Variants in MMRN2 observed in about 807,000 individuals in gnomAD.
MMRN2 encodes the protein multimerin 2, also known as multimerin-2.
A neutral mutation model predicts 68.8 loss-of-function variants in MMRN2; 53 were observed. The observed-to-expected ratio is 0.77, with a 90% CI of 0.62 to 0.97. MMRN2 has a LOEUF of 0.97. MMRN2 is among the 50% of genes least tolerant of loss of function. The pLI, the probability that MMRN2 is intolerant of heterozygous loss-of-function variation, is 0.00. For missense variants in MMRN2, 1,266 were observed against 1,259.5 expected (o/e 1.01, Z -0.08); for synonymous variants, 564 against 551.6 (o/e 1.02, Z -0.32).
At chr10:86,953,679 C>T (rs1487282045) in intron 1 of MMRN2, among the ~76,000 whole-genome samples, 1 of 152,238 alleles carries the variant, frequency 6.6e-6, no homozygotes, top group African/African-American at 2.4e-5. Context: ...CATCTCCACA[C>T]CCCACCACAA....
In MMRN2 at chr10:86,944,376, G is replaced by C; in HGVS notation, c.541C>G (p.Leu181Val). ...EVQQEQQEHL[L>V]GDLQNDVHRV... ...TGCACATCATTCTGGAGATCTCCCAGCAGATGTTCCTGCTGTTCCTGTTGC... is the reference window on the plus strand; with the variant it reads ...TGCACATCATTCTGGAGATCTCCCACCAGATGTTCCTGCTGTTCCTGTTGC... Residue 181 changes from leucine (L) to valine (V), a missense_variant, in exon 5 of 7, where the codon CTG becomes GTG. Coordinates refer to ENST00000372027, the MANE Select transcript of MMRN2 (RefSeq NM_024756.3). 2 of 1,613,542 alleles carry C rather than the reference G, an allele frequency of 1.2e-6. No individual in the cohort carries two copies. Among genetic ancestry groups the C allele is most frequent in the Non-Finnish European group, 8.5e-7 (1 of 1,180,014 alleles).
At chr10:86,939,149 T>G (rs1393434415) in intron 6 of MMRN2, among the ~76,000 whole-genome samples, 86 of 64,388 alleles carry the variant, frequency 1.3e-3, no homozygotes, top group East Asian at 3.1e-3. Context: ...GCAACGAGAG[T>G]GAAACTCCGT....
chr10:86,950,285 G>A lies in MMRN2; in HGVS notation c.165-4596C>T, dbSNP rs150668099. 5.4e-3 allele frequency among the ~76,000 whole-genome samples: 816 copies of A among 150,860 alleles called. 11 individuals carry two copies. Among genetic ancestry groups the A allele is most frequent in the African/African-American group, 0.019 (788 of 41,032 alleles). ...GACCCGGGAGGCAGAGGTTGTGGTGGGCCAAGATCACACCATTGCACTCCA... is the reference window on the plus strand; with the variant it reads ...GACCCGGGAGGCAGAGGTTGTGGTGAGCCAAGATCACACCATTGCACTCCA... On this transcript the variant is annotated intron_variant, in intron 1 of 6. Transcript: ENST00000372027.
At chr10:86,949,493 T>A (rs1564734160) in intron 1 of MMRN2, 1 of 151,538 alleles carries the variant, frequency 6.6e-6, no homozygotes, top group Non-Finnish European at 1.5e-5. Context: ...GGCCTGGAGT[T>A]TGAGATCAGC....
Position 86,947,538 on chromosome 10 carries a change from T to G in MMRN2, c.165-1849A>C, listed in dbSNP as rs371477368. ...GTGCCCACCACCAAGCCTGGCTAAT[T>G]TTTTTTGTATTTTTAGTAGAGACGG... is the stretch of plus-strand genomic sequence containing the variant. On this transcript the variant is annotated intron_variant, in intron 1 of 6. Coordinates refer to ENST00000372027, the MANE Select transcript of MMRN2 (RefSeq NM_024756.3). Among the ~76,000 whole-genome samples, 3 of 150,564 alleles carry G rather than the reference T, an allele frequency of 2.0e-5. No individual in the cohort carries two copies. The East Asian group carries it at 5.8e-4, about 29-fold the overall frequency.
In MMRN2 at chr10:86,937,085, C is replaced by T. The variant is rs138921995; in HGVS notation, c.2508G>A (p.Thr836=). 410 of 1,614,070 alleles carry T rather than the reference C, an allele frequency of 2.5e-4. No individual in the cohort carries two copies. The highest frequency in any genetic ancestry group is 2.8e-4 in the Non-Finnish European group (336 of 1,180,038). ...TGAACTTCACTGTCTGCAGGGCAGC[C>T]GTCCCTTCTGAAAAGCTGGCATAGA... The part of the protein sequence containing the change: ...VAFYASFSEG[T]AALQTVKFNT... Residue 836 remains threonine (T), a synonymous_variant, in exon 7 of 7, where the codon ACG becomes ACA. Coordinates refer to ENST00000372027, the MANE Select transcript of MMRN2 (RefSeq NM_024756.3).
At chr10:86,952,094 C>G (rs539386132) in intron 1 of MMRN2, among the ~76,000 whole-genome samples, 1 of 152,220 alleles carries the variant, frequency 6.6e-6, no homozygotes, top group East Asian at 1.9e-4. Context: ...GAGTTTCTCT[C>G]ACAACTATCA....
chr10:86,950,415 G>A (rs1844130413), intron 1 of MMRN2, among the ~76,000 whole-genome samples: 1 of 152,164 alleles, frequency 6.6e-6, no homozygotes, highest in Non-Finnish European at 1.5e-5. Context: ...CTGAGCACCA[G>A]CATTTTAAGG....
At chr10:86,944,993 T>C (rs959361381) in intron 4 of MMRN2, among the ~76,000 whole-genome samples, 195 bp downstream of exon 4, 4 of 152,230 alleles carry the variant, frequency 2.6e-5, no homozygotes, top group African/African-American at 9.6e-5. Flanking sequence ...GTGTGTGTGC[T>C]TGGCCAGTAG....
intron 1 of MMRN2, 86 bp downstream of exon 1, chr10:86,957,292 C>T (rs1452069251): frequency 7.1e-7 from 1 of 1,400,882 alleles, no homozygotes; most frequent in Non-Finnish European, 1.0e-6. Flanking sequence ...GATGGGACCC[C>T]AGTGAGGTCT....
chr10:86,944,569 A>G, intron 4 of MMRN2, 134 bp from the exon 5 acceptor site: 1 of 965,904 alleles, frequency 1.0e-6, no homozygotes, highest in Non-Finnish European at 1.5e-6. Context: ...GGAGCTTAGA[A>G]GCCTTAAACC....
chr10:86,955,148 C>A (rs1381353504), intron 1 of MMRN2, among the ~76,000 whole-genome samples: 1 of 152,162 alleles, frequency 6.6e-6, no homozygotes. Context: ...TGGGAGGCGT[C>A]CCCACCCCTC....
chr10:86,952,704 C>T (rs929184468), intron 1 of MMRN2, among the ~76,000 whole-genome samples: 3 of 152,220 alleles, frequency 2.0e-5, no homozygotes, highest in Non-Finnish European at 2.9e-5. Context: ...AAATCAAAAA[C>T]TCCGATAAGG....
Position 86,944,348 on chromosome 10 carries a change from C to T in MMRN2, c.569G>A (p.Arg190Gln), listed in dbSNP as rs374898130. 6.3e-5 allele frequency: 102 copies of T among 1,613,984 alleles called. No individual in the cohort carries two copies. Among genetic ancestry groups the T allele is most frequent in the Middle Eastern group, 1.7e-4 (1 of 6,060 alleles). The change falls in exon 5 of 7, where the codon CGG becomes CAG. Residue 190 changes from arginine to glutamine, a missense_variant. Arg to Gln is a conservative substitution (Grantham distance 43). Coordinates refer to ENST00000372027, the MANE Select transcript of MMRN2 (RefSeq NM_024756.3). ...LLGDLQNDVH[R>Q]VADSLPGLWK... ...CAGGCCTGGCAGGCTGTCTGCCACC[C>T]GGTGCACATCATTCTGGAGATCTCC...
chr10:86,939,333 G>T (rs1209532282), intron 6 of MMRN2, among the ~76,000 whole-genome samples: 1 of 145,386 alleles, frequency 6.9e-6, no homozygotes, highest in Admixed American at 6.9e-5. Context: ...ATGGTGGCAG[G>T]CGCCTGTAAT....
chr10:86,942,990 G>A lies in MMRN2; in HGVS notation c.1794C>T (p.Ala598=), dbSNP rs775038821. 3.8e-5 allele frequency: 56 copies of A among 1,457,636 alleles called. No individual in the cohort carries two copies. The highest frequency in any genetic ancestry group is 8.1e-6 in the Non-Finnish European group (9 of 1,104,666). 90.3% of individuals were successfully genotyped at this position (1,457,636 alleles called of 1,614,324 possible). A position where few individuals can be genotyped will look rare whatever the true frequency, so the allele number is the denominator to read the frequency against. ...EVRQLHSAFA[A]LLEDALRHEA... Reference sequence around the variant, plus strand: ...CGTGCCGCAGCGCGTCCTCCAGCAGGGCGGCGAAGGCGCTGTGCAGCTGGC... The same window carrying A: ...CGTGCCGCAGCGCGTCCTCCAGCAGAGCGGCGAAGGCGCTGTGCAGCTGGC... Residue 598 remains alanine, a synonymous_variant, in exon 6 of 7, where the codon GCC becomes GCT. Coordinates refer to ENST00000372027, the MANE Select transcript of MMRN2 (RefSeq NM_024756.3).
chr10:86,943,233 C>A lies in MMRN2; in HGVS notation c.1551G>T (p.Glu517Asp). Residue 517 changes from glutamate (E) to aspartate (D), a missense_variant, in exon 6 of 7, where the codon GAG becomes GAT. Physicochemically the swap from Glu to Asp is conservative, Grantham distance 45. Transcript: ENST00000372027. The surrounding 1 kb of genome is among the most constrained non-coding windows in gnomAD (Gnocchi z 4.2). ...GCCGCTCGTCCAGGCTCACCTGGGT[C>A]TCCTCCAGGGCACGCGTGGCGTCCC... ...GQRDATRALE[E>D]TQVSLDERRQ... 1.2e-6 allele frequency: 2 copies of A among 1,611,086 alleles called. No individual in the cohort carries two copies. Among genetic ancestry groups the A allele is most frequent in the Non-Finnish European group, 1.7e-6 (2 of 1,178,334 alleles).
At position 86,952,504 on chromosome 10, in the gene MMRN2, C is replaced by T. The variant is rs372496535; in HGVS notation, c.164+4874G>A. ...AAAGAGTTCAAAGAGAGGAATTTTA[C>T]AGCTGGGCCTCCAGGTGTGACATCA... On this transcript the variant is annotated intron_variant, in intron 1 of 6. Coordinates refer to ENST00000372027, the MANE Select transcript of MMRN2 (RefSeq NM_024756.3). Among the ~76,000 whole-genome samples the T allele has an allele frequency of 7.9e-5, 12 of 152,202 alleles. No individual in the cohort carries two copies. In the East Asian group the frequency reaches 1.2e-3, roughly 15 times the overall value.
chr10:86,957,161 C>T (rs1844247993), intron 1 of MMRN2, among the ~76,000 whole-genome samples: 1 of 152,260 alleles, frequency 6.6e-6, no homozygotes, highest in African/African-American at 2.4e-5. Context: ...GCCCCATTCC[C>T]TGCCATGGCT....
Sources: gnomAD v4.1 joint callset for allele counts (sites outside exome capture counted in the v4.1 genomes callset) on GRCh38, gnomAD v4.1.1 for gene constraint, Gnocchi (gnomAD v3.1) non-coding constraint, MANE v1.5 for transcripts, NCBI Gene and HGNC (gene_info 2026-07-23, HGNC 2026-07-21) for gene names.